Variants in ERCC6L2 observed in about 807,000 individuals in gnomAD.
The protein encoded by ERCC6L2 is DNA excision repair protein ERCC-6-like 2.
ERCC6L2 carries 77 observed loss-of-function variants against 132.0 expected under a neutral mutation model. The observed-to-expected ratio is 0.58, with a 90% CI of 0.49 to 0.71. The LOEUF (loss-of-function observed/expected upper bound fraction) is 0.71. Among genes scored for constraint, ERCC6L2 ranks in the 30% least tolerant of loss-of-function variants. The pLI is 0.00. For synonymous variants in ERCC6L2, 583 were observed against 632.4 expected (o/e 0.92, Z 1.17); for missense variants, 1,542 against 1,837.6 (o/e 0.84, Z 2.94).
chr9:96,027,486 A>T (rs1834394757), intron 19 of ERCC6L2, among the ~76,000 whole-genome samples: 1 of 152,132 alleles, frequency 6.6e-6, no homozygotes, highest in Non-Finnish European at 1.5e-5. Flanking sequence ...CGGCTCAGTC[A>T]CCCGCCCTGG....
chr9:96,025,211 A>C (rs759995086), intron 19 of ERCC6L2, among the ~76,000 whole-genome samples: 10 of 152,180 alleles, frequency 6.6e-5, no homozygotes, highest in Non-Finnish European at 8.8e-5. Context: ...GTCGAAGCTC[A>C]AGGGACACCA....
intron 2 of ERCC6L2, among the ~76,000 whole-genome samples, chr9:95,897,492 A>G (rs1431060589): frequency 3.3e-5 from 5 of 152,286 alleles, no homozygotes; most frequent in East Asian, 3.9e-4. Context: ...TATTTTCTAC[A>G]TGGAAACAAG....
intron 17 of ERCC6L2, among the ~76,000 whole-genome samples, chr9:95,994,011 G>C (rs964256731): frequency 2.0e-5 from 3 of 152,210 alleles, no homozygotes; most frequent in African/African-American, 7.2e-5. Context: ...GCTCATAGTT[G>C]CCTTAGGTTC....
Position 96,012,536 on chromosome 9 carries a change from T to C in ERCC6L2, c.3986T>C (p.Leu1329Pro). 7.3e-7 allele frequency: 1 copy of C among 1,367,430 alleles called. No individual in the cohort carries two copies. Among genetic ancestry groups the C allele is most frequent in the South Asian group, 1.1e-5 (1 of 88,010 alleles). The allele number at this position is 1,367,430 out of a possible 1,614,324, so 84.7% of individuals were successfully genotyped here. The change falls in exon 19 of 19, where the codon CTA (leucine) becomes CCA (proline). Residue 1329 changes from leucine to proline, a missense_variant. By Grantham distance (98) the Leu-to-Pro change is moderately conservative. Transcript: ENST00000653738. ...STNKISQVCS[L>P]KTYKRKSVKF... Reference sequence around the variant, plus strand: ...AACAAAATTTCTCAAGTTTGCAGCCTAAAAACATATAAAAGAAAATCAGTT... The same window carrying C: ...AACAAAATTTCTCAAGTTTGCAGCCCAAAAACATATAAAAGAAAATCAGTT...
Position 95,881,199 on chromosome 9 carries a change from A to G in ERCC6L2, c.377A>G (p.Tyr126Cys). ...PYTINRYLRD[Y>C]QREGTRFLYG... ...ACCATCAATAGGTATTTGAGAGACT[A>G]CCAAAGAGAAGGAACCCGGTTTCTT... Residue 126 changes from tyrosine to cysteine, a missense_variant, in exon 2 of 19, where the codon TAC becomes TGC. Tyr to Cys is a radical substitution (Grantham distance 194). Around this residue, in one of 4 missense-constraint regions of ERCC6L2, gnomAD observed 945 missense variants for 1,105.2 expected, o/e 0.86. Coordinates refer to ENST00000653738, the MANE Select transcript of ERCC6L2 (RefSeq NM_020207.7). 6.2e-7 allele frequency: 1 copy of G among 1,609,274 alleles called. No homozygotes were observed. Among genetic ancestry groups the G allele is most frequent in the African/African-American group, 1.3e-5 (1 of 74,572 alleles).
intron 2 of ERCC6L2, among the ~76,000 whole-genome samples, chr9:95,885,726 A>G (rs1225559574): frequency 6.6e-6 from 1 of 152,212 alleles, no homozygotes; most frequent in African/African-American, 2.4e-5. Flanking sequence ...GTGGTTCTCT[A>G]AAGTGGATAT....
intron 11 of ERCC6L2, among the ~76,000 whole-genome samples, chr9:95,939,449 T>C (rs1278923175): frequency 6.6e-6 from 1 of 152,186 alleles, no homozygotes; most frequent in African/African-American, 2.4e-5. Flanking sequence ...GTTCTTTTCT[T>C]TCAGCACTTG....
intron 13 of ERCC6L2, among the ~76,000 whole-genome samples, chr9:95,959,505 G>A (rs1354044104): frequency 6.6e-6 from 1 of 151,860 alleles, no homozygotes; most frequent in African/African-American, 2.4e-5. Context: ...AAAAGCAATG[G>A]CAACAAAAGC....
intron 19 of ERCC6L2, among the ~76,000 whole-genome samples, chr9:96,030,138 G>A (rs1011105985): frequency 2.0e-4 from 31 of 152,126 alleles, no homozygotes; most frequent in African/African-American, 6.3e-4. Flanking sequence ...ACCAGTCATC[G>A]CTCCGTGGCT....
At chr9:95,980,591 C>T (rs1832850604) in intron 17 of ERCC6L2, among the ~76,000 whole-genome samples, 1 of 152,086 alleles carries the variant, frequency 6.6e-6, no homozygotes, top group Non-Finnish European at 1.5e-5. Flanking sequence ...TTCATCATAT[C>T]GCGTCAATAT....
chr9:96,032,530 C>A (rs10117340), intron 19 of ERCC6L2, among the ~76,000 whole-genome samples: 36,439 of 152,112 alleles, frequency 0.24, 5,324 homozygotes, highest in East Asian at 0.37. Flanking sequence ...CCCTGGCGCA[C>A]CTGCTTCTTG....
intron 2 of ERCC6L2, among the ~76,000 whole-genome samples, chr9:95,895,022 T>C (rs1828379138): frequency 6.6e-6 from 1 of 152,230 alleles, no homozygotes; most frequent in South Asian, 2.1e-4. Context: ...GTCTTCTGTA[T>C]CTTTACTGAT....
At chr9:95,968,155 A>G (rs1056019312) in intron 14 of ERCC6L2, 2 of 152,190 alleles carry the variant, frequency 1.3e-5, no homozygotes, top group African/African-American at 4.8e-5. Context: ...ACAAAAACAA[A>G]AAAAAGTTCT....
chr9:95,995,030 A>G (rs994578030), intron 17 of ERCC6L2, among the ~76,000 whole-genome samples: 2 of 152,204 alleles, frequency 1.3e-5, no homozygotes, highest in Non-Finnish European at 2.9e-5. Context: ...ATAGCCTTCT[A>G]CTATATAAAG....
chr9:95,928,862 A>G lies in ERCC6L2; in HGVS notation c.1749A>G (p.Thr583=), dbSNP rs1390272168. Residue 583 remains threonine (T), a splice_region_variant and synonymous_variant, in exon 11 of 19, where the codon ACA becomes ACG. Coordinates refer to ENST00000653738, the MANE Select transcript of ERCC6L2 (RefSeq NM_020207.7). ...TQDVNICLVS[T]MAGGLGLNFV... is the part of the protein sequence containing the mutation. ...ATGTTAACATTTGCCTTGTCTCTAC[A>G]ATGTAAGAAAATTAAATTTAATAAC... 1.3e-6 allele frequency: 2 copies of G among 1,554,054 alleles called. No homozygotes were observed. Among genetic ancestry groups the G allele is most frequent in the East Asian group, 2.3e-5 (1 of 43,348 alleles).
chr9:95,910,799 A>G (rs1454790876), intron 4 of ERCC6L2, among the ~76,000 whole-genome samples: 1 of 152,172 alleles, frequency 6.6e-6, no homozygotes, highest in Non-Finnish European at 1.5e-5. Context: ...ATGGATCCTG[A>G]CAGAAGACTA....
intron 3 of ERCC6L2, among the ~76,000 whole-genome samples, chr9:95,903,856 C>T (rs1828900145): frequency 6.6e-6 from 1 of 151,694 alleles, no homozygotes; most frequent in South Asian, 2.1e-4. Flanking sequence ...ACTCAAAGTA[C>T]TAAAAAAAAA....
intron 6 of ERCC6L2, among the ~76,000 whole-genome samples, chr9:95,917,381 C>T (rs1346014169): frequency 6.6e-6 from 1 of 152,150 alleles, no homozygotes; most frequent in Admixed American, 6.5e-5. Context: ...TACTATGGAA[C>T]TAAACCTAAT....
intron 1 of ERCC6L2, among the ~76,000 whole-genome samples, chr9:95,878,694 C>T (rs946049046): frequency 2.5e-4 from 31 of 125,874 alleles, no homozygotes; most frequent in African/African-American, 8.8e-4. Context: ...GTGTGATGTT[C>T]CCCTTCCTGT....
Sources: allele counts gnomAD v4.1 joint callset (sites outside exome capture counted in the v4.1 genomes callset), GRCh38; gene constraint gnomAD v4.1.1; regional missense constraint gnomAD v4.1.1; transcripts MANE v1.5; gene names NCBI Gene and HGNC (gene_info 2026-07-23, HGNC 2026-07-21).